Variants in GALNT13 observed in about 807,000 individuals in gnomAD.
GALNT13 encodes the protein UDP-GalNAc:polypeptide N-acetylgalactosaminyltransferase 13.
A neutral mutation model predicts 64.2 loss-of-function variants in GALNT13; 28 were observed. That is an observed-to-expected ratio of 0.44 (90% CI 0.32 to 0.60). GALNT13 has a LOEUF of 0.60. Among genes scored for constraint, GALNT13 ranks in the 20% least tolerant of loss-of-function variants. The pLI is 0.05. For synonymous variants in GALNT13, 214 were observed against 224.6 expected (o/e 0.95, Z 0.42); for missense variants, 577 against 669.8 (o/e 0.86, Z 1.53).
chr2:153,115,624 G>C, the GALNT13 span, among the ~76,000 whole-genome samples: 2 of 152,224 alleles, frequency 1.3e-5, no homozygotes. Context: ...CTGAGGGTAA[G>C]GATTGTGTCT....
chr2:153,865,467 A>C, the GALNT13 span, among the ~76,000 whole-genome samples: 4 of 142,724 alleles, frequency 2.8e-5, no homozygotes, highest in Non-Finnish European at 4.6e-5. Flanking sequence ...TTTACAAGAA[A>C]AAAACAAACA....
chr2:153,520,664 C>G, the GALNT13 span, among the ~76,000 whole-genome samples: 3 of 152,142 alleles, frequency 2.0e-5, no homozygotes, highest in African/African-American at 7.2e-5. Context: ...TAACATTTTC[C>G]TGCTATTGAC....
chr2:153,935,420 C>A (rs1394813033), intron 2 of GALNT13, among the ~76,000 whole-genome samples: 1 of 152,182 alleles, frequency 6.6e-6, no homozygotes, highest in African/African-American at 2.4e-5. Flanking sequence ...TTTGGATCAT[C>A]ATTACATTGG....
chr2:153,238,774 G>A, the GALNT13 span, among the ~76,000 whole-genome samples: 7 of 152,016 alleles, frequency 4.6e-5, no homozygotes, highest in Admixed American at 3.9e-4. Flanking sequence ...GTCAGGTGAT[G>A]TGATTCCTCC....
At chr2:153,607,285 A>G in the GALNT13 span, among the ~76,000 whole-genome samples, 1 of 152,238 alleles carries the variant, frequency 6.6e-6, no homozygotes, top group East Asian at 1.9e-4. Context: ...TCACTGTTGA[A>G]TAATATTTAT....
chr2:153,442,257 T>C, the GALNT13 span, among the ~76,000 whole-genome samples: 3 of 152,172 alleles, frequency 2.0e-5, no homozygotes, highest in Non-Finnish European at 4.4e-5. Context: ...GTTTATTGAT[T>C]TGTGTATATT....
intron 11 of GALNT13, chr2:154,436,770 T>A (rs1041428858): frequency 1.2e-4 from 18 of 152,302 alleles, no homozygotes; most frequent in African/African-American, 3.8e-4. Context: ...ACCTAGAAAA[T>A]TTATTTGTGA....
At chr2:153,958,155 A>G (rs1692705318) in intron 3 of GALNT13, among the ~76,000 whole-genome samples, 1 of 152,126 alleles carries the variant, frequency 6.6e-6, no homozygotes, top group African/African-American at 2.4e-5. Flanking sequence ...GGCTAGTTGG[A>G]TAAGGATGAG....
At chr2:154,001,748 C>G (rs1695925156) in intron 3 of GALNT13, among the ~76,000 whole-genome samples, 7 of 151,994 alleles carry the variant, frequency 4.6e-5, no homozygotes, top group Admixed American at 4.6e-4. Context: ...TATGCTTTTA[C>G]CACAGAGTTT....
chr2:153,098,977 C>T, the GALNT13 span, among the ~76,000 whole-genome samples: 2 of 152,080 alleles, frequency 1.3e-5, no homozygotes, highest in Admixed American at 6.6e-5. Context: ...ATGAGTTTAT[C>T]ATATTTAAAA....
the GALNT13 span, among the ~76,000 whole-genome samples, chr2:153,295,875 G>A: frequency 1.2e-4 from 18 of 152,184 alleles, no homozygotes; most frequent in Non-Finnish European, 2.6e-4. Context: ...CTAATAAAAT[G>A]TCTCCTAAGA....
chr2:154,015,102 A>G (rs1427006836), intron 3 of GALNT13, among the ~76,000 whole-genome samples: 1 of 152,222 alleles, frequency 6.6e-6, no homozygotes, highest in South Asian at 2.1e-4. Flanking sequence ...TGGAAGAAAC[A>G]ATGCCTCATA....
chr2:153,197,483 G>A, the GALNT13 span, among the ~76,000 whole-genome samples: 1 of 152,224 alleles, frequency 6.6e-6, no homozygotes, highest in Admixed American at 6.5e-5. Context: ...AGGTGTGTGT[G>A]CCTCTGGCAA....
chr2:153,767,770 A>G, the GALNT13 span, among the ~76,000 whole-genome samples: 1,157 of 148,204 alleles, frequency 7.8e-3, 17 homozygotes, highest in African/African-American at 0.028. Flanking sequence ...AGTGTAGTTC[A>G]TGTTCTTTGC....
chr2:154,189,678 GA>G (rs201141802), intron 4 of GALNT13, among the ~76,000 whole-genome samples: 577 of 141,910 alleles, frequency 4.1e-3, no homozygotes, highest in African/African-American at 8.8e-3. Flanking sequence ...GGTTTACATA[GA>G]AAAAAAAAAA....
At chr2:153,282,062 T>C in the GALNT13 span, among the ~76,000 whole-genome samples, 1 of 152,240 alleles carries the variant, frequency 6.6e-6, no homozygotes, top group Admixed American at 6.5e-5. Flanking sequence ...TCAGTCACTT[T>C]ACATAATCCT....
intron 8 of GALNT13, among the ~76,000 whole-genome samples, chr2:154,279,028 G>T (rs1691813944): frequency 6.6e-6 from 1 of 151,348 alleles, no homozygotes; most frequent in African/African-American, 2.4e-5. Context: ...AAAAGAAAAA[G>T]AAAGGGATAA....
chr2:154,369,668 A>C (rs937439879), intron 9 of GALNT13, among the ~76,000 whole-genome samples: 2 of 152,156 alleles, frequency 1.3e-5, no homozygotes, highest in African/African-American at 4.8e-5. Flanking sequence ...ATTAAGTTTC[A>C]ACATGAGGTT....
the GALNT13 span, among the ~76,000 whole-genome samples, chr2:153,530,951 G>A: frequency 6.6e-6 from 1 of 152,248 alleles, no homozygotes; most frequent in East Asian, 1.9e-4. Flanking sequence ...AGAAAACATT[G>A]GAGAAACTTC....
Sources: allele counts gnomAD v4.1 joint callset (sites outside exome capture counted in the v4.1 genomes callset), GRCh38; gene constraint gnomAD v4.1.1; transcripts MANE v1.5; gene names NCBI Gene and HGNC (gene_info 2026-07-23, HGNC 2026-07-21).